Variants in AGAP1 observed in about 807,000 individuals in gnomAD.
AGAP1 encodes the protein arf-GAP with GTPase, ANK repeat and PH domain-containing protein 1.
AGAP1 carries 29 observed loss-of-function variants against 105.3 expected under a neutral mutation model. The ratio of observed to expected loss-of-function variants is 0.28; its 90% CI spans 0.21 to 0.38. The LOEUF (loss-of-function observed/expected upper bound fraction) is 0.38, where lower values mean the gene tolerates loss of function less well. AGAP1 is among the 10% of genes least tolerant of loss of function. The pLI, the probability that AGAP1 is intolerant of heterozygous loss-of-function variation, is 1.00. For synonymous variants in AGAP1, 509 were observed against 485.9 expected, an observed-to-expected ratio of 1.05 and a Z score of -0.63; for missense variants, 998 against 1,165.1, an observed-to-expected ratio of 0.86 and a Z score of 2.09.
chr2:235,724,358 G>T lies in AGAP1; in HGVS notation c.310+6714G>T, dbSNP rs1516279. On this transcript the variant is annotated intron_variant, in intron 3 of 17. Transcript: ENST00000304032. This position sits in a 1 kb window ranked among gnomAD's most constrained non-coding sequence, Gnocchi z 4.9. ...CCAGGCTCTCCCATCTTCCCAGCTC[G>T]GGCCACACATAGGCAGCAGCTGCCC... Among the ~76,000 whole-genome samples the T allele has an allele frequency of 3.3e-5, 5 of 152,042 alleles. No homozygotes were observed. Among genetic ancestry groups the T allele is most frequent in the Admixed American group, 6.5e-5 (1 of 15,280 alleles).
intron 6 of AGAP1, among the ~76,000 whole-genome samples, chr2:235,767,509 C>T (rs972091507): frequency 6.6e-6 from 1 of 152,150 alleles, no homozygotes; most frequent in Non-Finnish European, 1.5e-5. Context: ...CAGTCGTGTT[C>T]AGAGAGAGAT....
chr2:235,768,817 G>A (rs1955189454), intron 6 of AGAP1, among the ~76,000 whole-genome samples: 1 of 152,186 alleles, frequency 6.6e-6, no homozygotes, highest in South Asian at 2.1e-4. Context: ...CGGGGATCTG[G>A]GCAGCCATGT....
rs1247781099 is a variant in AGAP1 at position 235,620,495 on chromosome 2, G to T, written c.164-88684G>T. ...CTCCTGACCCTTACATGTCTGCACTGCTTCCTCTTTTTGGAAAACCTTCCT... is the reference window on the plus strand; with the variant it reads ...CTCCTGACCCTTACATGTCTGCACTTCTTCCTCTTTTTGGAAAACCTTCCT... On this transcript the variant is annotated intron_variant, in intron 1 of 17. Transcript: ENST00000304032. This position sits in a 1 kb window ranked among gnomAD's most constrained non-coding sequence, Gnocchi z 4.5. 6.6e-6 allele frequency among the ~76,000 whole-genome samples: 1 copy of T among 152,110 alleles called. No individual in the cohort carries two copies. Among genetic ancestry groups the T allele is most frequent in the African/African-American group, 2.4e-5 (1 of 41,430 alleles).
In AGAP1 at chr2:236,104,604, G is replaced by GC. The variant is rs1463318877; in HGVS notation, c.2115-15587dup. On this transcript the variant is annotated intron_variant, in intron 16 of 17. Transcript: ENST00000304032. This position sits in a 1 kb window ranked among gnomAD's most constrained non-coding sequence, Gnocchi z 4.7. The stretch of plus-strand genomic sequence containing the variant: ...CAACTTGGGTTACAAAGACAAGCGT[G>GC]CACAGGCCAGGCGCGGTGGCTCATG... 6.6e-6 allele frequency among the ~76,000 whole-genome samples: 1 copy of GC among 152,150 alleles called. No homozygotes were observed. Among genetic ancestry groups the GC allele is most frequent in the Non-Finnish European group, 1.5e-5 (1 of 68,014 alleles).
At chr2:235,796,026 A>G (rs1241306232) in intron 6 of AGAP1, among the ~76,000 whole-genome samples, 1 of 152,236 alleles carries the variant, frequency 6.6e-6, no homozygotes, top group Non-Finnish European at 1.5e-5. Flanking sequence ...CTCTCAAAGC[A>G]TGCATCCTAG....
chr2:235,541,427 G>A (rs377645601), intron 1 of AGAP1, among the ~76,000 whole-genome samples: 5 of 114,458 alleles, frequency 4.4e-5, no homozygotes, highest in South Asian at 5.8e-4. Context: ...TCACTCTCTC[G>A]CCCAGGCTGG....
rs998560859 is a variant in AGAP1 at position 235,778,273 on chromosome 2, C to T, written c.674-19486C>T. Among the ~76,000 whole-genome samples the T allele has an allele frequency of 7.4e-4, 113 of 152,208 alleles. 1 individual carries two copies. The highest frequency in any genetic ancestry group is 7.5e-4 in the African/African-American group (31 of 41,464). The stretch of plus-strand genomic sequence containing the variant: ...GCCCTGGCCCCAGCCACCATCGCCC[C>T]GCCTGGGTTTCCTTCTGCACTTTCC... On this transcript the variant is annotated intron_variant, in intron 6 of 17. Transcript: ENST00000304032.
chr2:236,063,947 C>T (rs1015483227), intron 16 of AGAP1, among the ~76,000 whole-genome samples: 15 of 152,198 alleles, frequency 9.9e-5, no homozygotes, highest in African/African-American at 3.4e-4. Flanking sequence ...CTCTGATGTA[C>T]GTGATCTAAT....
At position 235,513,063 on chromosome 2, in the gene AGAP1, AGTT is replaced by A. The variant is rs1559213865; in HGVS notation, c.163+18215_163+18217del. Among the ~76,000 whole-genome samples the A allele has an allele frequency of 1.4e-3, 216 of 152,176 alleles. 1 individual carries two copies. The highest frequency in any genetic ancestry group is 4.8e-3 in the African/African-American group (199 of 41,534). On this transcript the variant is annotated intron_variant, in intron 1 of 17. Transcript: ENST00000304032. Reference sequence around the variant, plus strand: ...GTTCTGGTCATTTTTGAGAAAATCTAGTTTGCACTTTCATTGGGCCCCTTTGTG... The same window carrying A: ...GTTCTGGTCATTTTTGAGAAAATCTATGCACTTTCATTGGGCCCCTTTGTG...
intron 1 of AGAP1, among the ~76,000 whole-genome samples, chr2:235,590,684 TGC>T (rs1553574082): frequency 1.4e-4 from 14 of 102,720 alleles, no homozygotes; most frequent in South Asian, 6.7e-4. Flanking sequence ...TGTGTGTGTG[TGC>T]GTGTGCGTGT....
chr2:235,498,340 A>G (rs960230756), intron 1 of AGAP1, among the ~76,000 whole-genome samples: 1 of 151,724 alleles, frequency 6.6e-6, no homozygotes, highest in Admixed American at 6.6e-5. Flanking sequence ...CTAGAGTTTA[A>G]GGAAGCATTG....
At chr2:235,946,940 C>T (rs891515584) in intron 12 of AGAP1, among the ~76,000 whole-genome samples, 1 of 152,204 alleles carries the variant, frequency 6.6e-6, no homozygotes, top group African/African-American at 2.4e-5. Flanking sequence ...TGCCCATGTC[C>T]TTCTTCCCCA....
chr2:235,676,130 C>T (rs1456032682), intron 1 of AGAP1, among the ~76,000 whole-genome samples: 1 of 152,190 alleles, frequency 6.6e-6, no homozygotes, highest in Non-Finnish European at 1.5e-5. Flanking sequence ...AGCACAGTTC[C>T]TGTCTTCAGA....
Position 235,744,918 on chromosome 2 carries a change from T to C in AGAP1, c.538+79T>C, listed in dbSNP as rs2149680188. The C allele has an allele frequency of 6.5e-7, 1 of 1,533,762 alleles. No individual in the cohort carries two copies. Among genetic ancestry groups the C allele is most frequent in the East Asian group, 2.3e-5 (1 of 43,388 alleles). On this transcript the variant is annotated intron_variant, in intron 5 of 17. Coordinates refer to ENST00000304032, the MANE Select transcript of AGAP1 (RefSeq NM_001037131.3). The surrounding 1 kb of genome is among the most constrained non-coding windows in gnomAD (Gnocchi z 5.2). ...TTTCAGTATGGAGGAGTTTAAAAAA[T>C]GCTTTAAAGAAGGAAAAATTGCCTA...
At chr2:235,627,886 T>A (rs1946693494) in intron 1 of AGAP1, among the ~76,000 whole-genome samples, 1 of 152,168 alleles carries the variant, frequency 6.6e-6, no homozygotes, top group Non-Finnish European at 1.5e-5. Context: ...GAAAAATATG[T>A]CCTATAATCT....
chr2:235,946,928 C>T (rs760708461), intron 12 of AGAP1, among the ~76,000 whole-genome samples: 2 of 152,186 alleles, frequency 1.3e-5, no homozygotes, highest in African/African-American at 4.8e-5. Flanking sequence ...CCAGTTTAAA[C>T]GTGCCCATGT....
At chr2:235,943,111 A>G (rs939227107) in intron 12 of AGAP1, among the ~76,000 whole-genome samples, 8 of 152,346 alleles carry the variant, frequency 5.3e-5, no homozygotes, top group African/African-American at 1.9e-4. Flanking sequence ...ATTTTGAAGC[A>G]ATACAGGACT....
intron 16 of AGAP1, among the ~76,000 whole-genome samples, chr2:236,057,874 A>C (rs2058091590): frequency 6.6e-6 from 1 of 152,188 alleles, no homozygotes; most frequent in Non-Finnish European, 1.5e-5. Flanking sequence ...CTTCCTTTTT[A>C]TCCAGAAGAT....
rs1446343404 is a variant in AGAP1, at chr2:236,128,869, C to G, written c.*4747C>G. The stretch of plus-strand genomic sequence containing the variant: ...CTGCTTCCGTCCCTCACCGCCTGCA[C>G]AAGGTCGTTGAGACTTTTCTAGAAC... On this transcript the variant is annotated 3_prime_UTR_variant, in exon 18 of 18. Transcript: ENST00000304032. The surrounding 1 kb of genome is among the most constrained non-coding windows in gnomAD (Gnocchi z 5.9). 6.6e-6 allele frequency: 1 copy of G among 152,234 alleles called. No individual in the cohort carries two copies. The highest frequency in any genetic ancestry group is 2.4e-5 in the African/African-American group (1 of 41,456). 9.4% of individuals were successfully genotyped at this position (152,234 alleles called of 1,614,324 possible). A position where few individuals can be genotyped will look rare whatever the true frequency, so the allele number is the denominator to read the frequency against.
Sources: gnomAD v4.1 joint callset for allele counts (sites outside exome capture counted in the v4.1 genomes callset) on GRCh38, gnomAD v4.1.1 for gene constraint, Gnocchi (gnomAD v3.1) non-coding constraint, MANE v1.5 for transcripts, NCBI Gene and HGNC (gene_info 2026-07-23, HGNC 2026-07-21) for gene names.